Variants in UBASH3B observed in about 807,000 individuals in gnomAD.
The protein encoded by UBASH3B is ubiquitin-associated and SH3 domain-containing protein B.
UBASH3B carries 37 observed loss-of-function variants against 83.4 expected under a neutral mutation model. That is an observed-to-expected ratio of 0.44 (90% CI 0.34 to 0.58). UBASH3B has a LOEUF of 0.58. Among genes scored for constraint, UBASH3B ranks in the 20% least tolerant of loss-of-function variants. The probability of loss-of-function intolerance (pLI) is 0.01; values close to 1 mark genes in which losing one functional copy is unlikely to be tolerated. For synonymous variants in UBASH3B, 304 were observed against 318.3 expected (o/e 0.96, Z 0.48); for missense variants, 657 against 827.2 (o/e 0.79, Z 2.52).
At chr11:122,768,795 G>A (rs979439485) in intron 1 of UBASH3B, among the ~76,000 whole-genome samples, 1 of 152,066 alleles carries the variant, frequency 6.6e-6, no homozygotes, top group Non-Finnish European at 1.5e-5. Flanking sequence ...GTGAGCCACC[G>A]TGCCCAGCCT....
At chr11:122,766,790 G>A (rs934978133) in intron 1 of UBASH3B, among the ~76,000 whole-genome samples, 3 of 152,146 alleles carry the variant, frequency 2.0e-5, no homozygotes, top group East Asian at 1.9e-4. Context: ...AAATAAAATA[G>A]GATATAGTAA....
At chr11:122,684,091 T>C (rs1293869182) in intron 1 of UBASH3B, among the ~76,000 whole-genome samples, 1 of 152,174 alleles carries the variant, frequency 6.6e-6, no homozygotes, top group Non-Finnish European at 1.5e-5. Context: ...ACAGCACACA[T>C]TCTTATAGAA....
At chr11:122,750,920 G>T (rs1235036051) in intron 1 of UBASH3B, among the ~76,000 whole-genome samples, 1 of 152,190 alleles carries the variant, frequency 6.6e-6, no homozygotes, top group Non-Finnish European at 1.5e-5. Flanking sequence ...TTGACAGAAG[G>T]ATACAGAAAC....
In UBASH3B at chr11:122,716,922, T is replaced by C. The variant is rs559637077; in HGVS notation, c.162-59297T>C. On this transcript the variant is annotated intron_variant, in intron 1 of 13. Coordinates refer to ENST00000284273, the MANE Select transcript of UBASH3B (RefSeq NM_032873.5). ...AGCCTCACAATTTGGAGATGTTAGATGGAATCAGGATGATTATAGCCTCAT... is the reference window on the plus strand; with the variant it reads ...AGCCTCACAATTTGGAGATGTTAGACGGAATCAGGATGATTATAGCCTCAT... Among the ~76,000 whole-genome samples, 36 of 152,214 alleles carry C rather than the reference T, an allele frequency of 2.4e-4. 1 individual carries two copies. The South Asian group carries it at 7.3e-3, about 31-fold the overall frequency.
chr11:122,722,233 G>A (rs976255347), intron 1 of UBASH3B, among the ~76,000 whole-genome samples: 9 of 152,160 alleles, frequency 5.9e-5, no homozygotes, highest in Admixed American at 1.3e-4. Context: ...CTAGAGCTCC[G>A]CCCTCATGCT....
chr11:122,720,873 C>A (rs772652193), intron 1 of UBASH3B, among the ~76,000 whole-genome samples: 3 of 151,916 alleles, frequency 2.0e-5, no homozygotes, highest in Non-Finnish European at 4.4e-5. Context: ...TGCATGAGGT[C>A]AAAAATCTTT....
intron 1 of UBASH3B, among the ~76,000 whole-genome samples, chr11:122,662,867 T>A (rs527265927): frequency 7.4e-4 from 113 of 152,326 alleles, no homozygotes; most frequent in African/African-American, 2.4e-3. Context: ...ATAGTTTATC[T>A]CTTTTAATTG....
Position 122,779,618 on chromosome 11 carries a change from T to TC in UBASH3B, c.525dup (p.Phe176LeufsTer16). The TC allele has an allele frequency of 6.2e-7, 1 of 1,614,170 alleles. No homozygotes were observed. Among genetic ancestry groups the TC allele is most frequent in the South Asian group, 1.1e-5 (1 of 91,086 alleles). The stretch of plus-strand genomic sequence containing the variant: ...TATACGTCGTCCAACTTCATCGGCC[T>TC]CTTTGTAAAGGAAGACAGTGCGGAG... On this transcript the variant is annotated frameshift_variant, in exon 4 of 14. Coordinates refer to ENST00000284273, the MANE Select transcript of UBASH3B (RefSeq NM_032873.5). LOFTEE classifies it high-confidence loss of function.
At chr11:122,691,309 A>G (rs1245782587) in intron 1 of UBASH3B, among the ~76,000 whole-genome samples, 1 of 152,192 alleles carries the variant, frequency 6.6e-6, no homozygotes, top group Non-Finnish European at 1.5e-5. Context: ...CTCAAATTTT[A>G]TACAACTATT....
intron 1 of UBASH3B, among the ~76,000 whole-genome samples, chr11:122,670,179 ATGTGTGTGTG>A (rs34408096): frequency 6.7e-6 from 1 of 149,410 alleles, no homozygotes; most frequent in Non-Finnish European, 1.5e-5. Flanking sequence ...CTGAGTGTGA[ATGTGTGTGTG>A]TGTGTGTGTG....
At chr11:122,679,183 G>A (rs1189986694) in intron 1 of UBASH3B, among the ~76,000 whole-genome samples, 2 of 152,168 alleles carry the variant, frequency 1.3e-5, no homozygotes, top group Admixed American at 1.3e-4. Flanking sequence ...CATGTTGAGG[G>A]TGAAGGGGTG....
intron 6 of UBASH3B, among the ~76,000 whole-genome samples, chr11:122,792,828 C>T (rs1861083398): frequency 6.6e-6 from 1 of 152,080 alleles, no homozygotes; most frequent in South Asian, 2.1e-4. Context: ...CCACCCCTGA[C>T]CTACTGAGTC....
chr11:122,714,201 T>C (rs560834254), intron 1 of UBASH3B, among the ~76,000 whole-genome samples: 9 of 152,310 alleles, frequency 5.9e-5, no homozygotes, highest in Non-Finnish European at 1.2e-4. Flanking sequence ...CCTTCGCTCA[T>C]ATTGGGATTC....
chr11:122,796,360 G>T, intron 8 of UBASH3B, 84 bp downstream of exon 8: 1 of 1,557,582 alleles, frequency 6.4e-7, no homozygotes, highest in East Asian at 2.3e-5. Context: ...TATCTAGATG[G>T]AGTCATTCAT....
chr11:122,699,853 G>A (rs1158934849), intron 1 of UBASH3B, among the ~76,000 whole-genome samples: 2 of 152,024 alleles, frequency 1.3e-5, no homozygotes, highest in African/African-American at 2.4e-5. Flanking sequence ...CAAAGTGCTG[G>A]GATTACAGGC....
At chr11:122,691,670 G>A (rs1863899282) in intron 1 of UBASH3B, among the ~76,000 whole-genome samples, 1 of 152,132 alleles carries the variant, frequency 6.6e-6, no homozygotes, top group Non-Finnish European at 1.5e-5. Flanking sequence ...CACCACTTGC[G>A]GGAAAATCCC....
intron 1 of UBASH3B, among the ~76,000 whole-genome samples, chr11:122,666,942 A>G (rs1863527518): frequency 6.6e-6 from 1 of 151,900 alleles, no homozygotes; most frequent in Admixed American, 6.6e-5. Context: ...AAGCCAGACT[A>G]AGGGGATTAC....
chr11:122,768,508 G>GTGTGTATATATA lies in UBASH3B; in HGVS notation c.162-7710_162-7709insGTGTATATATAT, dbSNP rs557159523. Among the ~76,000 whole-genome samples, 4 of 134,400 alleles carry GTGTGTATATATA rather than the reference G, an allele frequency of 3.0e-5. No individual in the cohort carries two copies. The East Asian group carries it at 6.3e-4, about 21-fold the overall frequency. The allele number at this position is 134,400 out of a possible 152,430, so 88.2% of individuals were successfully genotyped here. On this transcript the variant is annotated intron_variant, in intron 1 of 13. Transcript: ENST00000284273. ...TGTGTGTGTGTGTGTGTGTGTGTGT[G>GTGTGTATATATA]TATATATATATATTTGAGACTGAGC...
In UBASH3B at chr11:122,810,300, A is replaced by ATT. The variant is rs879565637; in HGVS notation, c.*426_*427dup. 2.0e-5 allele frequency: 3 copies of ATT among 149,598 alleles called. No individual in the cohort carries two copies. Among genetic ancestry groups the ATT allele is most frequent in the Non-Finnish European group, 4.4e-5 (3 of 67,986 alleles). 9.3% of individuals were successfully genotyped at this position (149,598 alleles called of 1,614,324 possible). A position where few individuals can be genotyped will look rare whatever the true frequency, so the allele number is the denominator to read the frequency against. ...ATTGAAAGGACAGCTTGGGGATGGA[A>ATT]TTTTTTTTTTTTTATCTCCATTTTC... On this transcript the variant is annotated 3_prime_UTR_variant, in exon 14 of 14. Coordinates refer to ENST00000284273, the MANE Select transcript of UBASH3B (RefSeq NM_032873.5).
Sources: allele counts gnomAD v4.1 joint callset (sites outside exome capture counted in the v4.1 genomes callset), GRCh38; gene constraint gnomAD v4.1.1; transcripts MANE v1.5; gene names NCBI Gene and HGNC (gene_info 2026-07-23, HGNC 2026-07-21).